Variants in ROBO2 observed in about 807,000 individuals in gnomAD.
The protein encoded by ROBO2 is roundabout homolog 2.
In ROBO2, 53 loss-of-function variants were observed where a neutral mutation model predicts 160.8. That is an observed-to-expected ratio of 0.33 (90% CI 0.26 to 0.41). The LOEUF (loss-of-function observed/expected upper bound fraction) is 0.41, where lower values mean the gene tolerates loss of function less well. ROBO2 is among the 10% of genes least tolerant of loss of function. ROBO2 has a pLI of 1.00. For missense variants in ROBO2, 1,577 were observed against 1,722.4 expected, an observed-to-expected ratio of 0.92 and a Z score of 1.49; for synonymous variants, 664 against 611.7, an observed-to-expected ratio of 1.09 and a Z score of -1.26.
chr3:76,725,597 T>C (rs2093538415), intron 2 of ROBO2, among the ~76,000 whole-genome samples: 1 of 152,190 alleles, frequency 6.6e-6, no homozygotes, highest in Admixed American at 6.5e-5. Context: ...TTCATACATG[T>C]TCCTGAAACT....
At chr3:76,078,643 G>A (rs180947638) in intron 2 of ROBO2, among the ~76,000 whole-genome samples, 12 of 152,190 alleles carry the variant, frequency 7.9e-5, no homozygotes, top group African/African-American at 2.4e-4. Context: ...GGGATTATAG[G>A]TGTGAGCCAC....
intron 2 of ROBO2, among the ~76,000 whole-genome samples, chr3:77,172,491 C>T (rs578074247): frequency 3.3e-5 from 5 of 152,116 alleles, no homozygotes; most frequent in Non-Finnish European, 7.4e-5. Flanking sequence ...ATTATTCTAC[C>T]ATTCAGAGGA....
At chr3:77,587,232 A>T (rs987391696) in intron 16 of ROBO2, among the ~76,000 whole-genome samples, 2 of 152,164 alleles carry the variant, frequency 1.3e-5, no homozygotes, top group East Asian at 3.9e-4. Flanking sequence ...GTGAGGAAAG[A>T]GAGTTTCAAG....
At chr3:76,688,533 C>T (rs2092731132) in intron 2 of ROBO2, among the ~76,000 whole-genome samples, 1 of 150,288 alleles carries the variant, frequency 6.7e-6, no homozygotes, top group South Asian at 2.1e-4. Flanking sequence ...TATGAAATAA[C>T]TAAGCACTAG....
intron 2 of ROBO2, among the ~76,000 whole-genome samples, chr3:77,368,189 T>C (rs1013480911): frequency 6.6e-6 from 1 of 152,146 alleles, no homozygotes; most frequent in Non-Finnish European, 1.5e-5. Flanking sequence ...ATGCTTTGTC[T>C]GTATTAAATT....
intron 2 of ROBO2, among the ~76,000 whole-genome samples, chr3:76,643,538 T>A (rs2090811130): frequency 6.6e-6 from 1 of 152,196 alleles, no homozygotes; most frequent in South Asian, 2.1e-4. Context: ...TTGAAAATGT[T>A]AAAATATAAA....
At chr3:76,598,917 T>C (rs1241904946) in intron 2 of ROBO2, among the ~76,000 whole-genome samples, 2 of 152,178 alleles carry the variant, frequency 1.3e-5, no homozygotes, top group Non-Finnish European at 1.5e-5. Flanking sequence ...ATAACCTTGT[T>C]TGGAACACAG....
At chr3:76,143,127 A>G (rs1238741051) in intron 2 of ROBO2, among the ~76,000 whole-genome samples, 1 of 152,014 alleles carries the variant, frequency 6.6e-6, no homozygotes, top group Non-Finnish European at 1.5e-5. Context: ...CCCTGGCCCA[A>G]GTGATTTTCC....
intron 2 of ROBO2, among the ~76,000 whole-genome samples, chr3:77,263,883 T>C (rs749590430): frequency 2.0e-4 from 30 of 152,042 alleles, no homozygotes; most frequent in Non-Finnish European, 3.4e-4. Context: ...CACACACACA[T>C]AGTTAGTGTT....
chr3:77,180,659 G>A (rs185896668), intron 2 of ROBO2, among the ~76,000 whole-genome samples: 2 of 151,490 alleles, frequency 1.3e-5, no homozygotes, highest in East Asian at 1.9e-4. Flanking sequence ...GATGTTCATA[G>A]ACACATTAGG....
Position 76,886,914 on chromosome 3 carries a change from G to A in ROBO2, c.110-211100G>A, listed in dbSNP as rs564209803. Among the ~76,000 whole-genome samples the A allele has an allele frequency of 7.2e-5, 11 of 152,260 alleles. No homozygotes were observed. In the South Asian group the frequency reaches 1.0e-3, roughly 14 times the overall value. Reference sequence around the variant, plus strand: ...GTCTTCATTCACATTAGCCACATTCGAAGTGTTCAGTAGCCCCATGTGGCT... The same window carrying A: ...GTCTTCATTCACATTAGCCACATTCAAAGTGTTCAGTAGCCCCATGTGGCT... On this transcript the variant is annotated intron_variant, in intron 2 of 26. Coordinates refer to the ROBO2 transcript ENST00000487694.
chr3:75,916,752 GGGA>G (rs1204910737), intron 1 of ROBO2, among the ~76,000 whole-genome samples: 3 of 151,786 alleles, frequency 2.0e-5, no homozygotes, highest in African/African-American at 7.3e-5. Context: ...AAGATAAAGG[GGGA>G]GATAATGGTT....
chr3:76,208,186 A>G (rs1451797191), intron 2 of ROBO2, among the ~76,000 whole-genome samples: 1 of 152,052 alleles, frequency 6.6e-6, no homozygotes, highest in African/African-American at 2.4e-5. Context: ...TCTTTTCTTT[A>G]TAAATCACCC....
At chr3:76,183,206 A>T (rs1193801931) in intron 2 of ROBO2, among the ~76,000 whole-genome samples, 1 of 152,060 alleles carries the variant, frequency 6.6e-6, no homozygotes, top group Non-Finnish European at 1.5e-5. Flanking sequence ...GTCTTAGGAC[A>T]TTCCAACTTC....
chr3:77,486,469 G>A (rs1490281019), intron 4 of ROBO2, among the ~76,000 whole-genome samples: 1 of 152,162 alleles, frequency 6.6e-6, no homozygotes, highest in Non-Finnish European at 1.5e-5. Flanking sequence ...TGACTGGCAT[G>A]AGATGGTATC....
At chr3:77,213,734 C>G (rs1166304197) in intron 2 of ROBO2, among the ~76,000 whole-genome samples, 2 of 152,038 alleles carry the variant, frequency 1.3e-5, no homozygotes, top group Admixed American at 1.3e-4. Flanking sequence ...AAATTTCCCT[C>G]TACACACTGC....
At chr3:77,123,269 A>G (rs1046177566) in intron 2 of ROBO2, among the ~76,000 whole-genome samples, 1 of 152,308 alleles carries the variant, frequency 6.6e-6, no homozygotes, top group Non-Finnish European at 1.5e-5. Flanking sequence ...ATAATAAGCT[A>G]TAAAAGGAAC....
chr3:76,443,694 C>A (rs141493275), intron 2 of ROBO2, among the ~76,000 whole-genome samples: 7 of 152,210 alleles, frequency 4.6e-5, no homozygotes, highest in Admixed American at 3.3e-4. Context: ...CCACCTGCAA[C>A]AGAATCATCT....
chr3:76,044,849 G>A (rs917218493), intron 2 of ROBO2, among the ~76,000 whole-genome samples: 1 of 151,994 alleles, frequency 6.6e-6, no homozygotes, highest in African/African-American at 2.4e-5. Context: ...TGAGGAAACT[G>A]CATTTCAACT....
Sources: allele counts gnomAD v4.1 joint callset (sites outside exome capture counted in the v4.1 genomes callset), GRCh38; gene constraint gnomAD v4.1.1; transcripts MANE v1.5; gene names NCBI Gene and HGNC (gene_info 2026-07-23, HGNC 2026-07-21).